CCDC62: variants seen among roughly 807,000 people sequenced by gnomAD.
CCDC62 encodes coiled-coil domain-containing protein 62.
In CCDC62, 72 loss-of-function variants were observed where a neutral mutation model predicts 80.8. That is an observed-to-expected ratio of 0.89 (90% CI 0.74 to 1.08). The LOEUF (loss-of-function observed/expected upper bound fraction) is 1.08, where lower values mean the gene tolerates loss of function less well. Ranked by LOEUF, CCDC62 falls within the 50% of genes least tolerant of loss-of-function variation. The pLI, the probability that CCDC62 is intolerant of heterozygous loss-of-function variation, is 0.00. For synonymous variants in CCDC62, 286 were observed against 296.5 expected (o/e 0.96, Z 0.36); for missense variants, 704 against 809.4 (o/e 0.87, Z 1.58).
chr12:122,805,553 C>T (rs1489692967), intron 9 of CCDC62, among the ~76,000 whole-genome samples: 4 of 113,922 alleles, frequency 3.5e-5, no homozygotes, highest in Non-Finnish European at 5.0e-5. Context: ...CTTGCTCTGT[C>T]GCCCAGGCTG....
Position 122,824,672 on chromosome 12 carries a change from G to A in CCDC62, c.*40+1213G>A, listed in dbSNP as rs117757102. On this transcript the variant is annotated intron_variant, in intron 12 of 12. Transcript: ENST00000253079. ...AATAATCCCACTACTGGGTATCTAC[G>A]TGGAGGAAAAGTATATGAAAAAGAC... is the stretch of plus-strand genomic sequence containing the variant. Among the ~76,000 whole-genome samples the A allele has an allele frequency of 2.9e-3, 437 of 152,252 alleles. 2 individuals carry two copies. Among genetic ancestry groups the A allele is most frequent in the African/African-American group, 5.9e-3 (244 of 41,532 alleles).
chr12:122,797,576 T>C (rs535905181), intron 7 of CCDC62, among the ~76,000 whole-genome samples, 181 bp downstream of exon 7: 2 of 152,326 alleles, frequency 1.3e-5, no homozygotes, highest in Non-Finnish European at 2.9e-5. Context: ...AGTCTCGCAC[T>C]GTCAACCGGG....
intron 5 of CCDC62, among the ~76,000 whole-genome samples, chr12:122,791,152 A>G (rs558711316): frequency 1.3e-5 from 2 of 152,004 alleles, no homozygotes; most frequent in East Asian, 3.9e-4. Flanking sequence ...TTATTTATTT[A>G]TTTTTGAGAC....
chr12:122,812,307 T>A (rs1431048677), intron 10 of CCDC62, among the ~76,000 whole-genome samples: 2 of 151,468 alleles, frequency 1.3e-5, no homozygotes, highest in African/African-American at 4.9e-5. Flanking sequence ...CCAGGTGTGG[T>A]GGCGGGCAAC....
chr12:122,790,519 A>G (rs1007442196), intron 5 of CCDC62, among the ~76,000 whole-genome samples: 1 of 152,094 alleles, frequency 6.6e-6, no homozygotes, highest in Non-Finnish European at 1.5e-5. Context: ...TTAGCCAGGC[A>G]TGGTGGTGTG....
intron 3 of CCDC62, among the ~76,000 whole-genome samples, chr12:122,783,832 A>G (rs1328319159): frequency 1.3e-5 from 2 of 152,174 alleles, no homozygotes; most frequent in Non-Finnish European, 2.9e-5. Flanking sequence ...AGCCTTCCCC[A>G]CGATCGACCT....
Position 122,792,038 on chromosome 12 carries a change from C to G in CCDC62, c.689C>G (p.Thr230Arg). The G allele has an allele frequency of 2.5e-6, 4 of 1,613,538 alleles. No homozygotes were observed. The highest frequency in any genetic ancestry group is 1.1e-5 in the South Asian group (1 of 91,074). The change falls in exon 6 of 13, where the codon ACG becomes AGG. Residue 230 changes from threonine to arginine, a missense_variant. Transcript: ENST00000253079. Reference protein sequence around the residue: ...NKLKEDLNEKTTENNEQREEI... With the variant: ...NKLKEDLNEKRTENNEQREEI... ...TGTGAAGAGGACCTCAATGAAAAGACGACAGAAAATAATGAGCAACGAGAA... is the reference window on the plus strand; with the variant it reads ...TGTGAAGAGGACCTCAATGAAAAGAGGACAGAAAATAATGAGCAACGAGAA...
At chr12:122,820,140 A>C (rs1377564816) in intron 11 of CCDC62, among the ~76,000 whole-genome samples, 7 of 152,002 alleles carry the variant, frequency 4.6e-5, no homozygotes, top group Non-Finnish European at 1.0e-4. Flanking sequence ...ACAAAGACAC[A>C]GTGGAAAGAT....
At chr12:122,791,529 A>G (rs2030605401) in intron 5 of CCDC62, among the ~76,000 whole-genome samples, 1 of 150,054 alleles carries the variant, frequency 6.7e-6, no homozygotes, top group Admixed American at 6.7e-5. Flanking sequence ...GCTCACTGCA[A>G]CCTCTGCCAC....
intron 9 of CCDC62, 56 bp from the exon 10 acceptor site, chr12:122,806,095 T>C: frequency 1.3e-6 from 2 of 1,486,848 alleles, no homozygotes; most frequent in Non-Finnish European, 1.8e-6. Context: ...ATAAGAGTGA[T>C]CTATGTATGA....
At chr12:122,825,636 G>A (rs1400466002) in intron 12 of CCDC62, among the ~76,000 whole-genome samples, 1 of 149,652 alleles carries the variant, frequency 6.7e-6, no homozygotes, top group South Asian at 2.1e-4. Context: ...GATTAAAGGC[G>A]TGGCCCCCCA....
At position 122,823,427 on chromosome 12, in the gene CCDC62, A is replaced by C; in HGVS notation, c.*8A>C. ...ACCTTTGTCAGTTATTGAAGGAAAC[A>C]AAAGGCAACTTCAGTATTCATCGTG... On this transcript the variant is annotated 3_prime_UTR_variant, in exon 12 of 13. Transcript: ENST00000253079. The C allele has an allele frequency of 6.2e-7, 1 of 1,603,930 alleles. No individual in the cohort carries two copies. Among genetic ancestry groups the C allele is most frequent in the Non-Finnish European group, 8.5e-7 (1 of 1,170,790 alleles).
intron 6 of CCDC62, among the ~76,000 whole-genome samples, chr12:122,793,991 C>T (rs1436776250): frequency 6.6e-6 from 1 of 152,172 alleles, no homozygotes; most frequent in South Asian, 2.1e-4. Flanking sequence ...CTGCGATATG[C>T]TCAGAAGCTC....
At chr12:122,825,851 G>A (rs1449991824) in intron 12 of CCDC62, among the ~76,000 whole-genome samples, 1 of 148,930 alleles carries the variant, frequency 6.7e-6, no homozygotes, top group East Asian at 2.0e-4. Flanking sequence ...AAATTAGCCG[G>A]GCATGGAGGC....
rs1271347064 is a variant in CCDC62, at chr12:122,827,064, A to AT, written c.*688dup. 1 of 152,220 alleles carries AT rather than the reference A, an allele frequency of 6.6e-6. No homozygotes were observed. Among genetic ancestry groups the AT allele is most frequent in the Non-Finnish European group, 1.5e-5 (1 of 68,044 alleles). 9.4% of individuals were successfully genotyped at this position (152,220 alleles called of 1,614,324 possible). A position where few individuals can be genotyped will look rare whatever the true frequency, so the allele number is the denominator to read the frequency against. On this transcript the variant is annotated 3_prime_UTR_variant, in exon 13 of 13. Coordinates refer to ENST00000253079, the MANE Select transcript of CCDC62 (RefSeq NM_201435.5). Reference sequence around the variant, plus strand: ...TGCTGGAAGATCGAGTTTTAGACGCATTTTTAAAAATCTTAAAGACTAAAA... The same window carrying AT: ...TGCTGGAAGATCGAGTTTTAGACGCATTTTTTAAAAATCTTAAAGACTAAAA...
intron 3 of CCDC62, 113 bp from the exon 4 acceptor site, chr12:122,785,606 C>T (rs2030162469): frequency 1.5e-5 from 11 of 720,630 alleles, no homozygotes; most frequent in Non-Finnish European, 2.2e-5. Flanking sequence ...TTGTTACTAA[C>T]GAGTTAAACA....
chr12:122,786,827 G>A (rs1020212760), intron 4 of CCDC62, among the ~76,000 whole-genome samples: 26 of 152,086 alleles, frequency 1.7e-4, no homozygotes, highest in African/African-American at 5.8e-4. Context: ...GGGCGAGGTG[G>A]CGGGCGCCTG....
rs182176750 is a variant in CCDC62 at position 122,816,544 on chromosome 12, T to G, written c.2001+3125T>G. On this transcript the variant is annotated intron_variant, in intron 11 of 12. Transcript: ENST00000253079. ...AGTTTGAGACCACTCTGGGCAACAT[T>G]GAAAAACCCCACCTCTACAAAATAA... Among the ~76,000 whole-genome samples, 364 of 152,172 alleles carry G rather than the reference T, an allele frequency of 2.4e-3. 1 individual carries two copies. The highest frequency in any genetic ancestry group is 8.4e-3 in the African/African-American group (347 of 41,514).
chr12:122,803,807 T>C (rs1273422666), intron 9 of CCDC62, among the ~76,000 whole-genome samples: 2 of 152,210 alleles, frequency 1.3e-5, no homozygotes, highest in Non-Finnish European at 2.9e-5. Context: ...TATTTTTCAC[T>C]ACTGAACAAG....
Sources: allele counts gnomAD v4.1 joint callset (sites outside exome capture counted in the v4.1 genomes callset), GRCh38; gene constraint gnomAD v4.1.1; transcripts MANE v1.5; gene names NCBI Gene and HGNC (gene_info 2026-07-23, HGNC 2026-07-21).